Variants in PTPRD observed in about 807,000 individuals in gnomAD.
PTPRD encodes the protein receptor-type tyrosine-protein phosphatase delta.
Under a neutral mutation model 214.5 loss-of-function variants are expected in PTPRD, and 34 were observed. That is an observed-to-expected ratio of 0.16 (90% CI 0.12 to 0.21). PTPRD has a LOEUF of 0.21. Among genes scored for constraint, PTPRD ranks in the 10% least tolerant of loss-of-function variants. The pLI is 1.00. For missense variants in PTPRD, 2,545 were observed against 2,398.7 expected (o/e 1.06, Z -1.27); for synonymous variants, 1,128 against 845.7 (o/e 1.33, Z -5.79).
At chr9:10,527,829 C>T (rs967479247) in intron 2 of PTPRD, among the ~76,000 whole-genome samples, 5 of 152,036 alleles carry the variant, frequency 3.3e-5, no homozygotes, top group Non-Finnish European at 7.4e-5. Context: ...ATTCATTCTG[C>T]CTAGTTCAAG....
In PTPRD at chr9:8,819,295, T is replaced by C. The variant is rs1046855028; in HGVS notation, c.-103-85349A>G. On this transcript the variant is annotated intron_variant, in intron 11 of 45. Coordinates refer to ENST00000381196, the MANE Select transcript of PTPRD (RefSeq NM_002839.4). ...TATAAAAGCTCATTCTAATACAACA[T>C]ATGTGAGGTAGACTGATCTGTTTCA... Among the ~76,000 whole-genome samples, 8 of 152,098 alleles carry C rather than the reference T, an allele frequency of 5.3e-5. No individual in the cohort carries two copies. In the East Asian group the frequency reaches 9.6e-4, roughly 18 times the overall value.
intron 5 of PTPRD, among the ~76,000 whole-genome samples, chr9:9,849,439 T>A (rs914870844): frequency 2.6e-5 from 4 of 152,154 alleles, no homozygotes; most frequent in Admixed American, 2.6e-4. Context: ...TGTGCTAGTT[T>A]GGCTAAATGA....
intron 11 of PTPRD, among the ~76,000 whole-genome samples, chr9:8,903,859 G>A (rs2098689635): frequency 6.8e-6 from 1 of 146,432 alleles, no homozygotes. Flanking sequence ...CTTAAATATT[G>A]TTTTATGTTC....
intron 2 of PTPRD, among the ~76,000 whole-genome samples, chr9:10,564,445 GAA>G (rs570678959): frequency 7.1e-5 from 10 of 139,876 alleles, no homozygotes; most frequent in African/African-American, 2.4e-4. Flanking sequence ...TTGATTAAAA[GAA>G]AAAAAAAAAA....
At chr9:9,342,436 T>C (rs2047163830) in intron 9 of PTPRD, among the ~76,000 whole-genome samples, 2 of 152,124 alleles carry the variant, frequency 1.3e-5, no homozygotes, top group African/African-American at 4.8e-5. Context: ...ACAGGAGTAA[T>C]GTTAGTAAAT....
At chr9:10,542,331 G>C (rs1341429040) in intron 2 of PTPRD, among the ~76,000 whole-genome samples, 1 of 152,024 alleles carries the variant, frequency 6.6e-6, no homozygotes, top group Non-Finnish European at 1.5e-5. Flanking sequence ...CTATCCACTT[G>C]TTGCTTGGCT....
intron 14 of PTPRD, among the ~76,000 whole-genome samples, chr9:8,555,668 T>C (rs998825700): frequency 1.3e-5 from 2 of 152,214 alleles, no homozygotes; most frequent in African/African-American, 4.8e-5. Flanking sequence ...GTTTTTATTT[T>C]AGACACAACT....
chr9:8,657,559 G>A (rs1029712479), intron 12 of PTPRD, among the ~76,000 whole-genome samples: 4 of 152,156 alleles, frequency 2.6e-5, no homozygotes, highest in South Asian at 2.1e-4. Flanking sequence ...AGATGAATAC[G>A]TTGAAAAAAT....
intron 33 of PTPRD, among the ~76,000 whole-genome samples, chr9:8,457,923 G>A (rs571855338): frequency 6.6e-6 from 1 of 152,076 alleles, no homozygotes; most frequent in Non-Finnish European, 1.5e-5. Flanking sequence ...AGCTATAAAA[G>A]ACACTATTCA....
chr9:8,798,876 T>C (rs75217978), intron 11 of PTPRD, among the ~76,000 whole-genome samples: 5 of 152,172 alleles, frequency 3.3e-5, no homozygotes, highest in Admixed American at 6.5e-5. Context: ...CCTAGTCTCA[T>C]TGCTGCAGTT....
chr9:8,476,660 A>G (rs2096772212), intron 30 of PTPRD, among the ~76,000 whole-genome samples: 1 of 152,140 alleles, frequency 6.6e-6, no homozygotes, highest in South Asian at 2.1e-4. Context: ...ATTTTCTTAT[A>G]CAACAAATTT....
intron 11 of PTPRD, among the ~76,000 whole-genome samples, chr9:8,912,615 T>A (rs1049545702): frequency 5.9e-5 from 9 of 152,148 alleles, no homozygotes; most frequent in Non-Finnish European, 1.3e-4. Flanking sequence ...AATGGTTAGA[T>A]TGTATGGTAT....
At chr9:9,150,994 A>T (rs1014852647) in intron 10 of PTPRD, among the ~76,000 whole-genome samples, 1 of 152,166 alleles carries the variant, frequency 6.6e-6, no homozygotes, top group Non-Finnish European at 1.5e-5. Context: ...AGATCGTGGG[A>T]GTCCACATTT....
chr9:8,658,919 A>AAC (rs2096971175), intron 12 of PTPRD, among the ~76,000 whole-genome samples: 1 of 152,204 alleles, frequency 6.6e-6, no homozygotes, highest in Non-Finnish European at 1.5e-5. Flanking sequence ...TAAAATGCTA[A>AAC]TGAGGCTCCA....
intron 3 of PTPRD, among the ~76,000 whole-genome samples, chr9:10,244,521 A>G (rs909329625): frequency 6.6e-6 from 1 of 152,144 alleles, no homozygotes; most frequent in East Asian, 1.9e-4. Flanking sequence ...GTCAAAACAA[A>G]TTTCATTTTT....
At chr9:8,412,051 T>C (rs530407860) in intron 35 of PTPRD, among the ~76,000 whole-genome samples, 1 of 152,346 alleles carries the variant, frequency 6.6e-6, no homozygotes, top group Non-Finnish European at 1.5e-5. Context: ...GTAATTACGA[T>C]GACTTATAAG....
chr9:10,222,526 T>C (rs1389598836), intron 3 of PTPRD, among the ~76,000 whole-genome samples: 1 of 152,060 alleles, frequency 6.6e-6, no homozygotes, highest in East Asian at 1.9e-4. Flanking sequence ...TTAATATGAG[T>C]GGACATTTGA....
At chr9:9,342,985 T>C (rs2047406639) in intron 9 of PTPRD, among the ~76,000 whole-genome samples, 1 of 152,158 alleles carries the variant, frequency 6.6e-6, no homozygotes. Flanking sequence ...ATGTGGTGTT[T>C]GGTTTTCTGT....
At chr9:8,363,137 A>C (rs1325198629) in intron 39 of PTPRD, among the ~76,000 whole-genome samples, 1 of 152,152 alleles carries the variant, frequency 6.6e-6, no homozygotes, top group Non-Finnish European at 1.5e-5. Flanking sequence ...AAATCCAACA[A>C]CCCTAGCTCT....
Sources: gnomAD v4.1 joint callset for allele counts (sites outside exome capture counted in the v4.1 genomes callset) on GRCh38, gnomAD v4.1.1 for gene constraint, MANE v1.5 for transcripts, NCBI Gene and HGNC (gene_info 2026-07-23, HGNC 2026-07-21) for gene names.